The following C1QTNF1 variants were observed in gnomAD, a reference collection of about 807,000 sequenced individuals.
The protein encoded by C1QTNF1 is C1q and TNF related 1, also known as complement C1q tumor necrosis factor-related protein 1.
A neutral mutation model predicts 27.8 loss-of-function variants in C1QTNF1; 22 were observed. The ratio of observed to expected loss-of-function variants is 0.79; its 90% CI spans 0.56 to 1.13. The LOEUF is 1.13. Among genes scored for constraint, C1QTNF1 ranks in the 50% most tolerant of loss-of-function variants. The probability of loss-of-function intolerance (pLI) is 0.00; values close to 1 mark genes in which losing one functional copy is unlikely to be tolerated. For missense variants in C1QTNF1, 373 were observed against 380.2 expected (o/e 0.98, Z 0.16); for synonymous variants, 166 against 154.3 (o/e 1.08, Z -0.56).
chr17:79,043,183 A>ATGTAAAAG (rs1299363807), intron 1 of C1QTNF1: 1 of 447,330 alleles, frequency 2.2e-6, no homozygotes, highest in African/African-American at 2.0e-5. Context: ...GTGTGAGTGC[A>ATGTAAAAG]TGTAAAAGTG....
chr17:79,032,741 A>G (rs1243976200), intron 1 of C1QTNF1, among the ~76,000 whole-genome samples: 1 of 152,070 alleles, frequency 6.6e-6, no homozygotes, highest in African/African-American at 2.4e-5. Flanking sequence ...GACGGGGGAG[A>G]AGGATATGAG....
At chr17:79,028,017 C>G (rs1434450004) in intron 1 of C1QTNF1, among the ~76,000 whole-genome samples, 1 of 152,220 alleles carries the variant, frequency 6.6e-6, no homozygotes, top group African/African-American at 2.4e-5. Context: ...CCCCGGGCCC[C>G]CATCCTGTCC....
intron 2 of C1QTNF1, among the ~76,000 whole-genome samples, chr17:79,044,998 C>T (rs1179150299): frequency 6.6e-6 from 1 of 152,112 alleles, no homozygotes; most frequent in Non-Finnish European, 1.5e-5. Context: ...GTGGCACAGT[C>T]CTGGCCTCCA....
rs943416993 is a variant in C1QTNF1, at chr17:79,046,412, C to A, written c.156-143C>A. On this transcript the variant is annotated intron_variant, in intron 2 of 3. Transcript: ENST00000579760. This position sits in a 1 kb window ranked among gnomAD's most constrained non-coding sequence, Gnocchi z 4.8. ...GATCCCAGAGTGGGCCGTGAGCCCA[C>A]CAGCGTGAACACAGAGCCTTGTGGG... 1 of 1,161,514 alleles carries A rather than the reference C, an allele frequency of 8.6e-7. No individual in the cohort carries two copies. Among genetic ancestry groups the A allele is most frequent in the Non-Finnish European group, 1.2e-6 (1 of 812,122 alleles). 72.0% of individuals were successfully genotyped at this position (1,161,514 alleles called of 1,614,324 possible).
chr17:79,041,194 T>C (rs185468926), intron 1 of C1QTNF1, among the ~76,000 whole-genome samples: 49 of 152,256 alleles, frequency 3.2e-4, no homozygotes, highest in African/African-American at 1.1e-3. Flanking sequence ...TCCTTGGTCA[T>C]TGGGACGGTC....
At chr17:79,026,883 G>A (rs2071978561) in intron 1 of C1QTNF1, among the ~76,000 whole-genome samples, 1 of 152,244 alleles carries the variant, frequency 6.6e-6, no homozygotes, top group South Asian at 2.1e-4. Flanking sequence ...ACAACAGAGT[G>A]TTTTTGGAAC....
At chr17:79,044,984 A>G (rs1007120948) in intron 2 of C1QTNF1, among the ~76,000 whole-genome samples, 1 of 152,160 alleles carries the variant, frequency 6.6e-6, no homozygotes, top group Non-Finnish European at 1.5e-5. Context: ...GGGGGGACAC[A>G]TGAGTGGCAC....
intron 1 of C1QTNF1, among the ~76,000 whole-genome samples, chr17:79,030,241 T>C (rs1599281709): frequency 6.6e-6 from 1 of 151,848 alleles, no homozygotes; most frequent in Middle Eastern, 3.4e-3. Context: ...AATAAGAAAA[T>C]GGTAAGCATC....
At chr17:79,028,360 T>TGGGAAAGCTGCC (rs1470688422) in intron 1 of C1QTNF1, among the ~76,000 whole-genome samples, 1 of 152,136 alleles carries the variant, frequency 6.6e-6, no homozygotes, top group Non-Finnish European at 1.5e-5. Flanking sequence ...GGGAAGCTGC[T>TGGGAAAGCTGCC]GGGAAAGCTG....
chr17:79,028,883 G>GGGGT (rs2072047817), intron 1 of C1QTNF1, among the ~76,000 whole-genome samples: 1 of 149,270 alleles, frequency 6.7e-6, no homozygotes, highest in Non-Finnish European at 1.5e-5. Flanking sequence ...CACATTTTAA[G>GGGGT]GTGTGTGTGT....
intron 1 of C1QTNF1, chr17:79,041,904 T>C (rs1362867271): frequency 7.3e-6 from 1 of 137,480 alleles, no homozygotes; most frequent in Non-Finnish European, 1.5e-5. Context: ...GTGTGTAATA[T>C]GGGCAGAGAA....
intron 1 of C1QTNF1, among the ~76,000 whole-genome samples, chr17:79,031,008 CTTTT>C (rs11335486): frequency 1.4e-5 from 2 of 137,964 alleles, no homozygotes; most frequent in Admixed American, 7.3e-5. Context: ...CTTTTCTTTT[CTTTT>C]TTTTTTTTTT....
intron 1 of C1QTNF1, among the ~76,000 whole-genome samples, chr17:79,030,485 TTTTCTTTC>T (rs199746385): frequency 0.072 from 8,744 of 121,730 alleles, 344 homozygotes; most frequent in Admixed American, 0.12. Flanking sequence ...CTTTCTTTCT[TTTTCTTTC>T]TTTCTTTCTT....
intron 3 of C1QTNF1, chr17:79,047,014 G>C (rs1040241082): frequency 9.0e-6 from 3 of 335,144 alleles, no homozygotes; most frequent in African/African-American, 6.3e-5. Context: ...TTTGGGGCTT[G>C]GTCCCCCAGC....
intron 1 of C1QTNF1, among the ~76,000 whole-genome samples, chr17:79,038,289 C>T (rs920013028): frequency 3.3e-5 from 5 of 152,174 alleles, no homozygotes; most frequent in African/African-American, 9.6e-5. Context: ...CGCGCCCGGC[C>T]GGGATACAAA....
intron 1 of C1QTNF1, chr17:79,025,853 C>T (rs2071938265): frequency 4.8e-6 from 2 of 414,646 alleles, no homozygotes; most frequent in African/African-American, 4.1e-5. Flanking sequence ...CCCCTAGAGT[C>T]CACCCAACAA....
At position 79,046,487 on chromosome 17, in the gene C1QTNF1, A is replaced by T. The variant is rs1426230837; in HGVS notation, c.156-68A>T. 3 of 1,600,706 alleles carry T rather than the reference A, an allele frequency of 1.9e-6. No homozygotes were observed. Among genetic ancestry groups the T allele is most frequent in the Non-Finnish European group, 2.6e-6 (3 of 1,171,132 alleles). On this transcript the variant is annotated intron_variant, in intron 2 of 3. Coordinates refer to ENST00000579760, the MANE Select transcript of C1QTNF1 (RefSeq NM_030968.5). The surrounding 1 kb of genome is among the most constrained non-coding windows in gnomAD (Gnocchi z 4.8). ...GGTCAGGCATGCCAGAACCACTGGCAGCAGGAGAGAGCAGCGTTTCCAGGC... is the reference window on the plus strand; with the variant it reads ...GGTCAGGCATGCCAGAACCACTGGCTGCAGGAGAGAGCAGCGTTTCCAGGC...
intron 1 of C1QTNF1, among the ~76,000 whole-genome samples, chr17:79,030,319 T>TGTGTG (rs1568060766): frequency 2.7e-5 from 4 of 147,922 alleles, no homozygotes; most frequent in South Asian, 4.3e-4. Flanking sequence ...CTTTGTGGTT[T>TGTGTG]TGTGTGTGTG....
rs1324436933 is a variant in C1QTNF1 at position 79,046,221 on chromosome 17, G to A, written c.156-334G>A. ...TTATTTTCTAGCATCACGGATATAC[G>A]ATAGGGAGTCCCGGCATTGTCTTGT... On this transcript the variant is annotated intron_variant, in intron 2 of 3. Transcript: ENST00000579760. The surrounding 1 kb of genome is among the most constrained non-coding windows in gnomAD (Gnocchi z 4.8). Among the ~76,000 whole-genome samples, 3 of 152,016 alleles carry A rather than the reference G, an allele frequency of 2.0e-5. No individual in the cohort carries two copies. The highest frequency in any genetic ancestry group is 7.3e-5 in the African/African-American group (3 of 41,300).
Sources: gnomAD v4.1 joint callset for allele counts (sites outside exome capture counted in the v4.1 genomes callset) on GRCh38, gnomAD v4.1.1 for gene constraint, Gnocchi (gnomAD v3.1) non-coding constraint, MANE v1.5 for transcripts, NCBI Gene and HGNC (gene_info 2026-07-23, HGNC 2026-07-21) for gene names.